NCOA2: variants seen among roughly 807,000 people sequenced by gnomAD.
NCOA2 encodes the protein nuclear receptor coactivator 2, also known as class E basic helix-loop-helix protein 75.
NCOA2 carries 21 observed loss-of-function variants against 145.1 expected under a neutral mutation model. The observed-to-expected ratio is 0.14, with a 90% CI of 0.10 to 0.21. The LOEUF is 0.21. Among genes scored for constraint, NCOA2 ranks in the 10% least tolerant of loss-of-function variants. The probability of loss-of-function intolerance (pLI) is 1.00; values close to 1 mark genes in which losing one functional copy is unlikely to be tolerated. For missense variants in NCOA2, 1,472 were observed against 1,837.6 expected, an observed-to-expected ratio of 0.80 and a Z score of 3.64; for synonymous variants, 619 against 637.5, an observed-to-expected ratio of 0.97 and a Z score of 0.44.
Position 70,132,163 on chromosome 8 carries a change from G to A in NCOA2, c.3159-161C>T, listed in dbSNP as rs143053259. On this transcript the variant is annotated intron_variant, in intron 15 of 22. Transcript: ENST00000452400. ...AACAAAAGGACAGTCTGAAATATTCGATACACTTTATTCAGTGCCCAATAC... is the reference window on the plus strand; with the variant it reads ...AACAAAAGGACAGTCTGAAATATTCAATACACTTTATTCAGTGCCCAATAC... Among the ~76,000 whole-genome samples the A allele has an allele frequency of 3.2e-3, 494 of 152,260 alleles. No individual in the cohort carries two copies. The Middle Eastern group carries it at 0.037, about 12-fold the overall frequency.
chr8:70,157,212 C>T lies in NCOA2; in HGVS notation c.1153G>A (p.Asp385Asn). ...REQNVCVMNP[D>N]LTGQTMGKPL... is the part of the protein sequence containing the mutation. ...TTCCCCATCGTTTGTCCAGTCAGATCCGGATTCATCACACACACATTCTGC... is the reference window on the plus strand; with the variant it reads ...TTCCCCATCGTTTGTCCAGTCAGATTCGGATTCATCACACACACATTCTGC... The change falls in exon 11 of 23, where the codon GAT becomes AAT. Residue 385 changes from aspartate to asparagine, a missense_variant. By Grantham distance (23) the Asp-to-Asn change is conservative. Coordinates refer to ENST00000452400, the MANE Select transcript of NCOA2 (RefSeq NM_006540.4). 6.4e-7 allele frequency: 1 copy of T among 1,568,390 alleles called. No homozygotes were observed. The highest frequency in any genetic ancestry group is 8.7e-7 in the Non-Finnish European group (1 of 1,154,540).
chr8:70,359,288 T>C (rs1810007242), intron 1 of NCOA2, among the ~76,000 whole-genome samples: 1 of 152,146 alleles, frequency 6.6e-6, no homozygotes, highest in Non-Finnish European at 1.5e-5. Context: ...TATTGACAGC[T>C]ATTCAAAATA....
chr8:70,303,167 C>A (rs1485356950), intron 1 of NCOA2, among the ~76,000 whole-genome samples: 2 of 152,086 alleles, frequency 1.3e-5, no homozygotes, highest in East Asian at 3.9e-4. Context: ...AATTGGCAGC[C>A]CTTGACTTGA....
At chr8:70,397,058 T>C (rs545987880) in intron 1 of NCOA2, among the ~76,000 whole-genome samples, 10 of 152,332 alleles carry the variant, frequency 6.6e-5, no homozygotes, top group Admixed American at 5.9e-4. Flanking sequence ...AATTAAAGAA[T>C]GAAGCACACA....
intron 1 of NCOA2, among the ~76,000 whole-genome samples, chr8:70,332,224 C>T (rs1484485091): frequency 1.3e-5 from 2 of 152,180 alleles, no homozygotes; most frequent in Non-Finnish European, 2.9e-5. Flanking sequence ...GAAAAAGGAG[C>T]AAGTCAACTT....
chr8:70,364,270 T>C (rs1810474135), intron 1 of NCOA2, among the ~76,000 whole-genome samples: 1 of 151,852 alleles, frequency 6.6e-6, no homozygotes, highest in Admixed American at 6.6e-5. Flanking sequence ...AAATGTCATA[T>C]CTGAAAGCAA....
At chr8:70,163,256 A>T (rs772382916) in intron 8 of NCOA2, among the ~76,000 whole-genome samples, 49 of 152,134 alleles carry the variant, frequency 3.2e-4, no homozygotes, top group Non-Finnish European at 6.8e-4. Context: ...GTATTTATTT[A>T]AACTAGGTAA....
chr8:70,378,200 T>G (rs1050283355), intron 1 of NCOA2, among the ~76,000 whole-genome samples: 2 of 152,152 alleles, frequency 1.3e-5, no homozygotes, highest in Non-Finnish European at 2.9e-5. Context: ...TAGAATTCTT[T>G]GGGAGGCCCC....
At chr8:70,206,724 T>G (rs926588803) in intron 4 of NCOA2, among the ~76,000 whole-genome samples, 7 of 152,316 alleles carry the variant, frequency 4.6e-5, no homozygotes, top group African/African-American at 1.7e-4. Context: ...CTTGCCCTTT[T>G]CAGCCTCAAA....
the NCOA2 span, among the ~76,000 whole-genome samples, chr8:70,432,204 C>T: frequency 4.6e-5 from 7 of 152,196 alleles, no homozygotes; most frequent in South Asian, 4.1e-4. Context: ...ATTTCCCTGA[C>T]AGTGAGGCTG....
At chr8:70,447,093 A>C in the NCOA2 span, among the ~76,000 whole-genome samples, 5 of 152,252 alleles carry the variant, frequency 3.3e-5, no homozygotes, top group Admixed American at 3.3e-4. Context: ...ACAAAGATAC[A>C]TATGAATGAA....
At chr8:70,249,152 C>T (rs1822879999) in intron 2 of NCOA2, among the ~76,000 whole-genome samples, 1 of 152,112 alleles carries the variant, frequency 6.6e-6, no homozygotes, top group Admixed American at 6.6e-5. Context: ...GCTAACCATG[C>T]ATTTTCTTTG....
chr8:70,388,330 A>G (rs1010328938), intron 1 of NCOA2, among the ~76,000 whole-genome samples: 2 of 152,190 alleles, frequency 1.3e-5, no homozygotes, highest in Non-Finnish European at 2.9e-5. Flanking sequence ...ACATACTATA[A>G]TATTTTCTGT....
At chr8:70,293,908 T>C (rs1363882448) in intron 2 of NCOA2, among the ~76,000 whole-genome samples, 1 of 152,172 alleles carries the variant, frequency 6.6e-6, no homozygotes, top group African/African-American at 2.4e-5. Flanking sequence ...ATTTTTCATA[T>C]ACTCAAATCT....
rs768258911 is a variant in NCOA2 at position 70,156,278 on chromosome 8, T to C, written c.2087A>G (p.Asp696Gly). The C allele has an allele frequency of 1.9e-6, 3 of 1,613,960 alleles. No individual in the cohort carries two copies. In the South Asian group the frequency reaches 3.3e-5, roughly 18 times the overall value. The change falls in exon 11 of 23, where the codon GAC becomes GGC. Residue 696 changes from aspartate (D) to glycine (G), a missense_variant. Coordinates refer to ENST00000452400, the MANE Select transcript of NCOA2 (RefSeq NM_006540.4). ...KHKILHRLLQ[D>G]SSSPVDLAKL... ...GGCCAAGTCCACAGGGGAACTGCTG[T>C]CCTGCAAGAGTCTGTGCAAAATTTT...
At chr8:70,141,466 C>T (rs560785175) in intron 13 of NCOA2, 67 bp from the exon 14 acceptor site, 2 of 1,350,984 alleles carry the variant, frequency 1.5e-6, no homozygotes, top group Admixed American at 3.8e-5. Context: ...GTATGAACAC[C>T]AGATGATCTT....
At chr8:70,225,570 GAAAGA>G (rs1237068345) in intron 2 of NCOA2, among the ~76,000 whole-genome samples, 8 of 150,408 alleles carry the variant, frequency 5.3e-5, no homozygotes, top group Non-Finnish European at 8.9e-5. Flanking sequence ...GAAAAGAAAA[GAAAGA>G]AAAGAAAAGA....
chr8:70,402,810 T>C lies in NCOA2; in HGVS notation c.-77+890A>G, dbSNP rs1172942985. Among the ~76,000 whole-genome samples, 59 of 138,520 alleles carry C rather than the reference T, an allele frequency of 4.3e-4. 1 individual carries two copies. Among genetic ancestry groups the C allele is most frequent in the Admixed American group, 2.8e-4 (4 of 14,228 alleles). 90.9% of individuals were successfully genotyped at this position (138,520 alleles called of 152,430 possible). A position where few individuals can be genotyped will look rare whatever the true frequency, so the allele number is the denominator to read the frequency against. ...CCCCGGCCCCAGCGCGCCTCCTGCA[T>C]ACACGCCCGCACCCAGAAAGTTCAG... On this transcript the variant is annotated intron_variant, in intron 1 of 22. Transcript: ENST00000452400.
chr8:70,193,557 A>AT (rs200599093), intron 4 of NCOA2, among the ~76,000 whole-genome samples: 66 of 152,234 alleles, frequency 4.3e-4, no homozygotes, highest in African/African-American at 1.5e-3. Context: ...ACTATGTGTA[A>AT]TTTTTTCCCC....
Sources: allele counts gnomAD v4.1 joint callset (sites outside exome capture counted in the v4.1 genomes callset), GRCh38; gene constraint gnomAD v4.1.1; transcripts MANE v1.5; gene names NCBI Gene and HGNC (gene_info 2026-07-23, HGNC 2026-07-21).